SLC8A3: variants seen among roughly 807,000 people sequenced by gnomAD.
The protein encoded by SLC8A3 is solute carrier family 8 member A3, also known as sodium/calcium exchanger 3.
A neutral mutation model predicts 65.4 loss-of-function variants in SLC8A3; 37 were observed. The ratio of observed to expected loss-of-function variants is 0.57; its 90% CI spans 0.44 to 0.74. The LOEUF (loss-of-function observed/expected upper bound fraction) is 0.74, where lower values mean the gene tolerates loss of function less well. Ranked by LOEUF, SLC8A3 falls within the 30% of genes least tolerant of loss-of-function variation. The pLI is 0.00. For synonymous variants in SLC8A3, 461 were observed against 444.5 expected (o/e 1.04, Z -0.47); for missense variants, 1,112 against 1,172.1 (o/e 0.95, Z 0.75).
chr14:70,179,598 C>T (rs928260226), intron 1 of SLC8A3, among the ~76,000 whole-genome samples: 2 of 152,196 alleles, frequency 1.3e-5, no homozygotes, highest in South Asian at 4.1e-4. Context: ...TTTGTTCATT[C>T]TCAAGAACCA....
At chr14:70,165,034 T>C (rs1056767120) in intron 2 of SLC8A3, among the ~76,000 whole-genome samples, 9 of 152,214 alleles carry the variant, frequency 5.9e-5, no homozygotes, top group African/African-American at 1.9e-4. Flanking sequence ...CAATATCCCC[T>C]GATCCATTTT....
chr14:70,124,139 C>A (rs1007629098), intron 2 of SLC8A3, among the ~76,000 whole-genome samples: 1 of 152,090 alleles, frequency 6.6e-6, no homozygotes, highest in African/African-American at 2.4e-5. Flanking sequence ...AAATCAAAAG[C>A]CTTGCCTACT....
At chr14:70,109,074 T>C (rs900350908) in intron 2 of SLC8A3, among the ~76,000 whole-genome samples, 3 of 152,176 alleles carry the variant, frequency 2.0e-5, no homozygotes, top group African/African-American at 7.2e-5. Context: ...TTGTAATTTA[T>C]ATATTTATTT....
intron 2 of SLC8A3, among the ~76,000 whole-genome samples, chr14:70,115,666 G>A (rs1008942446): frequency 6.6e-6 from 1 of 152,044 alleles, no homozygotes; most frequent in African/African-American, 2.4e-5. Flanking sequence ...TGAAAAGTGG[G>A]TGGCACAAAT....
chr14:70,059,376 C>G (rs146789735), intron 3 of SLC8A3: 144 of 152,300 alleles, frequency 9.5e-4, no homozygotes, highest in African/African-American at 3.1e-3. Context: ...TATGATCACC[C>G]CTTTTTGACA....
chr14:70,136,015 T>G (rs939474115), intron 2 of SLC8A3, among the ~76,000 whole-genome samples: 8 of 152,062 alleles, frequency 5.3e-5, no homozygotes, highest in Admixed American at 2.0e-4. Flanking sequence ...ACCCCAAAAC[T>G]ATGCATAACT....
At position 70,128,756 on chromosome 14, in the gene SLC8A3, T is replaced by TA. The variant is rs1377292419; in HGVS notation, c.1784+37882_1784+37883insT. ...AGGCCTCAAGTTGTTAAAACCCTTC[T>TA]TTCCTGCCTTTGTTCTTGGCATACC... On this transcript the variant is annotated intron_variant, in intron 2 of 6. Transcript: ENST00000356921. Among the ~76,000 whole-genome samples, 3 of 152,250 alleles carry TA rather than the reference T, an allele frequency of 2.0e-5. No individual in the cohort carries two copies. The East Asian group carries it at 5.8e-4, about 29-fold the overall frequency.
rs149963276 is a variant in SLC8A3 at position 70,132,588 on chromosome 14, C to A, written c.1784+34051G>T. ...CTGCTGCTGTAAGTAGCTCAGGAGGCAAATGTGGATGAAACGGGAAATCTT... is the reference window on the plus strand; with the variant it reads ...CTGCTGCTGTAAGTAGCTCAGGAGGAAAATGTGGATGAAACGGGAAATCTT... On this transcript the variant is annotated intron_variant, in intron 2 of 6. Transcript: ENST00000356921. Among the ~76,000 whole-genome samples, 98 of 152,180 alleles carry A rather than the reference C, an allele frequency of 6.4e-4. No individual in the cohort carries two copies. The East Asian group carries it at 0.013, about 21-fold the overall frequency.
chr14:70,166,928 G>A lies in SLC8A3; in HGVS notation c.1495C>T (p.Pro499Ser). 1.9e-6 allele frequency: 3 copies of A among 1,614,166 alleles called. No homozygotes were observed. Among genetic ancestry groups the A allele is most frequent in the Admixed American group, 1.7e-5 (1 of 60,016 alleles). Residue 499 changes from proline (P) to serine (S), a missense_variant, in exon 2 of 7, where the codon CCT (proline) becomes TCT (serine). Transcript: ENST00000356921. ...GGAAGACTGTTGAATATTGCTGGAG[G>A]CATCCCCTCCTCTGGCTGCTCCTCC... ...IEEEQPEEGMPPAIFNSLPLP... is the reference protein window; with the variant it reads ...IEEEQPEEGMSPAIFNSLPLP...
chr14:70,101,103 C>T (rs1442937628), intron 2 of SLC8A3, among the ~76,000 whole-genome samples: 1 of 152,176 alleles, frequency 6.6e-6, no homozygotes, highest in African/African-American at 2.4e-5. Context: ...AGGTGACAGG[C>T]ACTAATAATA....
intron 2 of SLC8A3, among the ~76,000 whole-genome samples, chr14:70,114,885 G>GC (rs766369582): frequency 2.0e-5 from 3 of 152,166 alleles, no homozygotes; most frequent in Non-Finnish European, 4.4e-5. Context: ...CAGAGTCGGA[G>GC]CGGTGGTGTT....
intron 2 of SLC8A3, among the ~76,000 whole-genome samples, chr14:70,145,358 A>G (rs924436294): frequency 6.6e-6 from 1 of 152,222 alleles, no homozygotes; most frequent in Non-Finnish European, 1.5e-5. Flanking sequence ...TACCTCCATT[A>G]TTAAATTCAA....
At chr14:70,054,427 T>C (rs910014286) in intron 3 of SLC8A3, among the ~76,000 whole-genome samples, 21 of 152,130 alleles carry the variant, frequency 1.4e-4, no homozygotes, top group African/African-American at 5.1e-4. Flanking sequence ...CTTTTTCCCA[T>C]TTTAGCTTCT....
At chr14:70,062,400 A>G (rs1888908830) in intron 2 of SLC8A3, among the ~76,000 whole-genome samples, 1 of 152,214 alleles carries the variant, frequency 6.6e-6, no homozygotes, top group African/African-American at 2.4e-5. Context: ...ATAAGGCTAT[A>G]TACTACGATA....
intron 2 of SLC8A3, among the ~76,000 whole-genome samples, chr14:70,139,238 C>G (rs1461380872): frequency 6.6e-6 from 1 of 152,144 alleles, no homozygotes; most frequent in Non-Finnish European, 1.5e-5. Context: ...TGGCTTCTCT[C>G]CCTCCTTTCA....
chr14:70,111,993 A>G (rs889506138), intron 2 of SLC8A3, among the ~76,000 whole-genome samples: 1 of 152,112 alleles, frequency 6.6e-6, no homozygotes, highest in African/African-American at 2.4e-5. Context: ...CAGTAAAGGG[A>G]TTTGTCAGTC....
chr14:70,122,825 A>C (rs1007927702), intron 2 of SLC8A3, among the ~76,000 whole-genome samples: 1 of 152,128 alleles, frequency 6.6e-6, no homozygotes, highest in Non-Finnish European at 1.5e-5. Context: ...TAATTCCAGC[A>C]CTTTGGGAGG....
chr14:70,056,788 G>A lies in SLC8A3; in HGVS notation c.1888+4048C>T, dbSNP rs182578624. On this transcript the variant is annotated intron_variant, in intron 3 of 6. Transcript: ENST00000356921. ...GAGATGACAAATGCAAGGTCCCTAT[G>A]TGGATTGGGAAACTGAGTTAAAGAC... 1.2e-3 allele frequency among the ~76,000 whole-genome samples: 178 copies of A among 152,326 alleles called. 1 individual carries two copies. Among genetic ancestry groups the A allele is most frequent in the Admixed American group, 2.0e-3 (30 of 15,314 alleles).
At chr14:70,098,119 A>G (rs2081917360) in intron 2 of SLC8A3, among the ~76,000 whole-genome samples, 2 of 152,164 alleles carry the variant, frequency 1.3e-5, no homozygotes, top group South Asian at 2.1e-4. Flanking sequence ...AGCTCATGGA[A>G]AGGGAGATCA....
Sources: allele counts gnomAD v4.1 joint callset (sites outside exome capture counted in the v4.1 genomes callset), GRCh38; gene constraint gnomAD v4.1.1; transcripts MANE v1.5; gene names NCBI Gene and HGNC (gene_info 2026-07-23, HGNC 2026-07-21).